DEGS2: variants seen among roughly 807,000 people sequenced by gnomAD.
The protein encoded by DEGS2 is delta 4-desaturase, sphingolipid 2.
A neutral mutation model predicts 23.8 loss-of-function variants in DEGS2; 19 were observed. That is an observed-to-expected ratio of 0.80 (90% CI 0.56 to 1.17). The LOEUF (loss-of-function observed/expected upper bound fraction) is 1.17, where lower values mean the gene tolerates loss of function less well. Among genes scored for constraint, DEGS2 ranks in the 50% most tolerant of loss-of-function variants. DEGS2 has a pLI of 0.00. For synonymous variants in DEGS2, 218 were observed against 213.7 expected (o/e 1.02, Z -0.18); for missense variants, 390 against 459.5 (o/e 0.85, Z 1.38).
At position 100,149,578 on chromosome 14, in the gene DEGS2, C is replaced by T. The variant is rs771455304; in HGVS notation, c.215G>A (p.Trp72Ter). 1 of 1,609,138 alleles carries T rather than the reference C, an allele frequency of 6.2e-7. No homozygotes were observed. The highest frequency in any genetic ancestry group is 2.2e-5 in the East Asian group (1 of 44,786). Residue 72 changes from tryptophan (W) to a stop codon, truncating the protein, a stop_gained, in exon 2 of 3, where the codon TGG becomes TAG. Transcript: ENST00000305631. LOFTEE classifies it high-confidence loss of function. ...CACGCAGCCACCAAAGGCGTAGGCC[C>T]AGAACAGCAGCCAGCGCCAGGCCAG... Reference protein sequence around the residue: ...RGLAWRWLLFWAYAFGGCVNH... With the variant: ...RGLAWRWLLF
the DEGS2 span, among the ~76,000 whole-genome samples, chr14:100,166,362 CTGCCCGGGGCTGT>C: frequency 8.6e-6 from 1 of 116,560 alleles, no homozygotes; most frequent in African/African-American, 3.2e-5. Context: ...TGGGGGGAGC[CTGCCCGGGGCTGT>C]GGGGGAGGCT....
Position 100,146,571 on chromosome 14 carries a change from A to G in DEGS2, c.*190T>C. The G allele has an allele frequency of 1.3e-6, 1 of 774,062 alleles. No homozygotes were observed. Among genetic ancestry groups the G allele is most frequent in the Non-Finnish European group, 2.0e-6 (1 of 496,932 alleles). The allele number at this position is 774,062 out of a possible 1,614,324, so 47.9% of individuals were successfully genotyped here. A position where few individuals can be genotyped will look rare whatever the true frequency, so the allele number is the denominator to read the frequency against. ...AAAGGGAGGGCCACACTCAAGGTCC[A>G]GGGCAAGTCCACGTGCAGACGGAGC... is the stretch of plus-strand genomic sequence containing the variant. On this transcript the variant is annotated 3_prime_UTR_variant, in exon 3 of 3. Coordinates refer to ENST00000305631, the MANE Select transcript of DEGS2 (RefSeq NM_206918.3).
chr14:100,155,896 A>C (rs187836681), intron 1 of DEGS2, among the ~76,000 whole-genome samples: 24 of 150,410 alleles, frequency 1.6e-4, no homozygotes, highest in Non-Finnish European at 2.5e-4. Context: ...CTTGCCTCTT[A>C]CTCCACCGGC....
rs1466159534 is a variant in DEGS2, at chr14:100,145,196, G to C, written c.*1565C>G. On this transcript the variant is annotated 3_prime_UTR_variant, in exon 3 of 3. Transcript: ENST00000305631. ...CCCTGGGCCTGGCCTTCAGTTTGTGGGTGAGGCCTGGACATGCCCCTTTGC... is the reference window on the plus strand; with the variant it reads ...CCCTGGGCCTGGCCTTCAGTTTGTGCGTGAGGCCTGGACATGCCCCTTTGC... 6.6e-6 allele frequency: 1 copy of C among 152,408 alleles called. No homozygotes were observed. Among genetic ancestry groups the C allele is most frequent in the African/African-American group, 2.4e-5 (1 of 41,470 alleles). 9.4% of individuals were successfully genotyped at this position (152,408 alleles called of 1,614,324 possible).
At position 100,144,165 on chromosome 14, in the gene DEGS2, A is replaced by G. The variant is rs1889382600; in HGVS notation, c.*2596T>C. On this transcript the variant is annotated 3_prime_UTR_variant, in exon 3 of 3. Transcript: ENST00000305631. ...AGGCACAGCTCCGTCCCCAGCGCTC[A>G]TGGTGTTGAAACTGTCTGTCATGCA... The G allele has an allele frequency of 5.0e-6, 1 of 200,796 alleles. No homozygotes were observed. Among genetic ancestry groups the G allele is most frequent in the East Asian group, 1.4e-4 (1 of 7,406 alleles). 12.4% of individuals were successfully genotyped at this position (200,796 alleles called of 1,614,324 possible).
chr14:100,149,622 G>A lies in DEGS2; in HGVS notation c.171C>T (p.Ala57=), dbSNP rs757200373. The change falls in exon 2 of 3, where the codon GCC becomes GCT. Residue 57 remains alanine (A), a synonymous_variant. Coordinates refer to ENST00000305631, the MANE Select transcript of DEGS2 (RefSeq NM_206918.3). ...AGGCCAGCCCGCGCACCAGCCAGCAGGCCAGCATCTGCACCAGCACCAGCA... is the reference window on the plus strand; with the variant it reads ...AGGCCAGCCCGCGCACCAGCCAGCAAGCCAGCATCTGCACCAGCACCAGCA... The part of the protein sequence containing the change: ...VLVLVLVQML[A]CWLVRGLAWR... The A allele has an allele frequency of 1.7e-5, 27 of 1,611,856 alleles. No homozygotes were observed. Among genetic ancestry groups the A allele is most frequent in the Non-Finnish European group, 1.4e-5 (17 of 1,179,632 alleles).
upstream of DEGS2, among the ~76,000 whole-genome samples, chr14:100,162,621 G>A (rs774151541): frequency 3.3e-5 from 5 of 152,096 alleles, no homozygotes; most frequent in Non-Finnish European, 5.9e-5. Flanking sequence ...ACACACACGC[G>A]CACACAGCAT....
Position 100,146,518 on chromosome 14 carries a change from G to T in DEGS2, c.*243C>A. ...AGAGCACCCAGGTCATGGTGGGGCA[G>T]GGCCAGGCCTCACCTGGGGAGGCCC... On this transcript the variant is annotated 3_prime_UTR_variant, in exon 3 of 3. Coordinates refer to ENST00000305631, the MANE Select transcript of DEGS2 (RefSeq NM_206918.3). The T allele has an allele frequency of 1.9e-6, 1 of 521,108 alleles. No individual in the cohort carries two copies. The highest frequency in any genetic ancestry group is 3.3e-6 in the Non-Finnish European group (1 of 298,928). The allele number at this position is 521,108 out of a possible 1,614,324, so 32.3% of individuals were successfully genotyped here.
At chr14:100,159,442 C>T in intron 1 of DEGS2, 64 bp downstream of exon 1, 1 of 1,310,844 alleles carries the variant, frequency 7.6e-7, no homozygotes, top group African/African-American at 1.5e-5. Flanking sequence ...CTCGACCCCA[C>T]GACGCGACTC....
chr14:100,165,584 C>G, the DEGS2 span, among the ~76,000 whole-genome samples: 1 of 152,202 alleles, frequency 6.6e-6, no homozygotes, highest in African/African-American at 2.4e-5. Flanking sequence ...ACCGGGCGGC[C>G]GCGGACGGGC....
At chr14:100,147,923 C>T (rs1168810171) in intron 2 of DEGS2, among the ~76,000 whole-genome samples, 1 of 152,200 alleles carries the variant, frequency 6.6e-6, no homozygotes, top group Non-Finnish European at 1.5e-5. Flanking sequence ...CCCCGTGCCT[C>T]TGCCTTATCT....
intron 1 of DEGS2, among the ~76,000 whole-genome samples, chr14:100,151,010 T>C (rs1889562439): frequency 1.3e-5 from 2 of 151,946 alleles, no homozygotes; most frequent in Admixed American, 6.6e-5. Flanking sequence ...CCCCTCTGAG[T>C]GGACTCTGGG....
At chr14:100,158,023 G>A (rs1472083981) in intron 1 of DEGS2, among the ~76,000 whole-genome samples, 2 of 146,940 alleles carry the variant, frequency 1.4e-5, no homozygotes, top group African/African-American at 5.0e-5. Flanking sequence ...GGAGGCGGAG[G>A]TTGCGGTGAG....
At chr14:100,150,551 G>A (rs1318055432) in intron 1 of DEGS2, among the ~76,000 whole-genome samples, 1 of 152,160 alleles carries the variant, frequency 6.6e-6, no homozygotes, top group Non-Finnish European at 1.5e-5. Flanking sequence ...GCTTTTGGGT[G>A]CAGGCAAGCA....
chr14:100,157,348 G>GA (rs1396251641), intron 1 of DEGS2, among the ~76,000 whole-genome samples: 1 of 152,228 alleles, frequency 6.6e-6, no homozygotes, highest in Non-Finnish European at 1.5e-5. Flanking sequence ...TCCACATGGT[G>GA]CCAGATACCC....
Position 100,146,904 on chromosome 14 carries a change from G to C in DEGS2, c.829C>G (p.Arg277Gly). ...SIPGYNLPLVRKIAPEYYDHL... is the reference protein window; with the variant it reads ...SIPGYNLPLVGKIAPEYYDHL... ...TCGTAGTACTCGGGCGCGATCTTCC[G>C]CACCTGTAGAGAGGAGGGCGGGGCT... The change falls in exon 3 of 3, where the codon CGG becomes GGG. Residue 277 changes from arginine (R) to glycine (G), a missense_variant. Coordinates refer to ENST00000305631, the MANE Select transcript of DEGS2 (RefSeq NM_206918.3). 6.2e-7 allele frequency: 1 copy of C among 1,612,130 alleles called. No individual in the cohort carries two copies. Among genetic ancestry groups the C allele is most frequent in the Non-Finnish European group, 8.5e-7 (1 of 1,179,242 alleles).
the DEGS2 span, among the ~76,000 whole-genome samples, chr14:100,166,673 C>T: frequency 2.0e-5 from 3 of 152,004 alleles, no homozygotes; most frequent in Non-Finnish European, 4.4e-5. Flanking sequence ...GCTGCAGAGC[C>T]CTCGGAGGTC....
intron 1 of DEGS2, among the ~76,000 whole-genome samples, chr14:100,151,678 C>T (rs1345260390): frequency 6.6e-6 from 1 of 152,166 alleles, no homozygotes; most frequent in Non-Finnish European, 1.5e-5. Context: ...GAGCTTTGCA[C>T]CCAAGGAGTT....
At position 100,157,813 on chromosome 14, in the gene DEGS2, C is replaced by T. The variant is rs78395687; in HGVS notation, c.82+1693G>A. 0.015 allele frequency among the ~76,000 whole-genome samples: 2,230 copies of T among 152,224 alleles called. 103 individuals carry two copies. In the East Asian group the frequency reaches 0.17, roughly 12 times the overall value. ...AGGAAGAAAGAAAAAGTTGGCTGGG[C>T]GCAGTGGCTCACACCTGTAATCCCA... On this transcript the variant is annotated intron_variant, in intron 1 of 2. Transcript: ENST00000305631.
Sources: allele counts gnomAD v4.1 joint callset (sites outside exome capture counted in the v4.1 genomes callset), GRCh38; gene constraint gnomAD v4.1.1; transcripts MANE v1.5; gene names NCBI Gene and HGNC (gene_info 2026-07-23, HGNC 2026-07-21).